The following DPYSL5 variants were observed in gnomAD, a reference collection of about 807,000 sequenced individuals.
The protein encoded by DPYSL5 is dihydropyrimidinase like 5.
A neutral mutation model predicts 58.4 loss-of-function variants in DPYSL5; 9 were observed. The observed-to-expected ratio is 0.15, with a 90% CI of 0.09 to 0.27. The LOEUF is 0.27. Among genes scored for constraint, DPYSL5 ranks in the 10% least tolerant of loss-of-function variants. The probability of loss-of-function intolerance (pLI) is 1.00; values close to 1 mark genes in which losing one functional copy is unlikely to be tolerated. For missense variants in DPYSL5, 499 were observed against 770.6 expected, an observed-to-expected ratio of 0.65 and a Z score of 4.17; for synonymous variants, 293 against 301.9, an observed-to-expected ratio of 0.97 and a Z score of 0.31.
At chr2:26,926,240 G>A (rs544915724) in intron 3 of DPYSL5, among the ~76,000 whole-genome samples, 211 of 152,240 alleles carry the variant, frequency 1.4e-3, no homozygotes, top group Non-Finnish European at 2.5e-3. Context: ...ACCTCCTCCC[G>A]GTTCTGGGCC....
chr2:26,929,120 T>G (rs1390419139), intron 5 of DPYSL5, among the ~76,000 whole-genome samples: 2 of 152,104 alleles, frequency 1.3e-5, no homozygotes, highest in Non-Finnish European at 2.9e-5. Context: ...TAGATTCTCA[T>G]AGAAGTGTGA....
In DPYSL5 at chr2:26,949,807, T is replaced by A; in HGVS notation, c.*2812T>A. 1 of 152,452 alleles carries A rather than the reference T, an allele frequency of 6.6e-6. No homozygotes were observed. The highest frequency in any genetic ancestry group is 1.9e-4 in the East Asian group (1 of 5,172). The allele number at this position is 152,452 out of a possible 1,614,324, so 9.4% of individuals were successfully genotyped here. On this transcript the variant is annotated 3_prime_UTR_variant, in exon 13 of 13. Transcript: ENST00000288699. ...TGAGCGGTCAGCCCCCACCATGCAC[T>A]CCTTGCCCCGTGCAGAGCTCCAGCC... is the stretch of plus-strand genomic sequence containing the variant.
At chr2:26,875,808 G>A (rs1663396583) in intron 1 of DPYSL5, among the ~76,000 whole-genome samples, 2 of 152,136 alleles carry the variant, frequency 1.3e-5, no homozygotes. Context: ...AATAATTTGG[G>A]TGTCTGTCAT....
chr2:26,947,078 G>A lies in DPYSL5; in HGVS notation c.*83G>A. On this transcript the variant is annotated 3_prime_UTR_variant, in exon 13 of 13. Transcript: ENST00000288699. This position sits in a 1 kb window ranked among gnomAD's most constrained non-coding sequence, Gnocchi z 4.2. ...CAGCCGAAGCTGCAGGGGCAGGAGAGGCTGGGCTGGGTGGCACACCACCCG... is the reference window on the plus strand; with the variant it reads ...CAGCCGAAGCTGCAGGGGCAGGAGAAGCTGGGCTGGGTGGCACACCACCCG... 1 of 1,264,504 alleles carries A rather than the reference G, an allele frequency of 7.9e-7. No homozygotes were observed. Among genetic ancestry groups the A allele is most frequent in the African/African-American group, 1.5e-5 (1 of 67,916 alleles). 78.3% of individuals were successfully genotyped at this position (1,264,504 alleles called of 1,614,324 possible).
chr2:26,848,409 G>C (rs1665652516), intron 1 of DPYSL5, 155 bp downstream of exon 1: 1 of 152,510 alleles, frequency 6.6e-6, no homozygotes, highest in African/African-American at 2.4e-5. Context: ...TGTGGTTTGG[G>C]GTTGGGAGGT....
Position 26,944,859 on chromosome 2 carries a change from G to A in DPYSL5, c.1609+35G>A, listed in dbSNP as rs1330181384. On this transcript the variant is annotated intron_variant, in intron 12 of 12. Coordinates refer to ENST00000288699, the MANE Select transcript of DPYSL5 (RefSeq NM_020134.4). This position sits in a 1 kb window ranked among gnomAD's most constrained non-coding sequence, Gnocchi z 4.4. ...AGGGGGCCACGGGAGGAGGATGGGG[G>A]TCTGGGAGAAGTGGCCCACCTAGGC... 5 of 1,605,788 alleles carry A rather than the reference G, an allele frequency of 3.1e-6. No homozygotes were observed. The highest frequency in any genetic ancestry group is 4.3e-6 in the Non-Finnish European group (5 of 1,175,354).
At chr2:26,878,737 C>T (rs749769489) in intron 1 of DPYSL5, among the ~76,000 whole-genome samples, 8 of 152,226 alleles carry the variant, frequency 5.3e-5, no homozygotes, top group Non-Finnish European at 7.3e-5. Flanking sequence ...CATGTCCCAC[C>T]AGGCCTTGAA....
At chr2:26,930,913 G>A (rs1484809837) in intron 5 of DPYSL5, among the ~76,000 whole-genome samples, 1 of 151,250 alleles carries the variant, frequency 6.6e-6, no homozygotes, top group African/African-American at 2.4e-5. Context: ...GGCGGAGCTT[G>A]CAGTGAGCCA....
At chr2:26,932,047 AG>A (rs1459753371) in intron 6 of DPYSL5, among the ~76,000 whole-genome samples, 39 of 49,914 alleles carry the variant, frequency 7.8e-4, no homozygotes, top group African/African-American at 3.8e-3. Context: ...AAAGAAAGAA[AG>A]GAAAGAAAGA....
chr2:26,949,764 G>C lies in DPYSL5; in HGVS notation c.*2769G>C, dbSNP rs1249718478. 6.6e-6 allele frequency: 1 copy of C among 152,472 alleles called. No individual in the cohort carries two copies. Among genetic ancestry groups the C allele is most frequent in the Non-Finnish European group, 1.5e-5 (1 of 68,318 alleles). The allele number at this position is 152,472 out of a possible 1,614,324, so 9.4% of individuals were successfully genotyped here. On this transcript the variant is annotated 3_prime_UTR_variant, in exon 13 of 13. Transcript: ENST00000288699. The stretch of plus-strand genomic sequence containing the variant: ...GGAGCTTCTAGATAGAAATCAGAAA[G>C]AGATTCAAGGAGCCAAATGAGCGGT...
rs1046456741 is a variant in DPYSL5 at position 26,934,426 on chromosome 2, A to T, written c.791-152A>T. On this transcript the variant is annotated intron_variant, in intron 7 of 12. Transcript: ENST00000288699. The surrounding 1 kb of genome is among the most constrained non-coding windows in gnomAD (Gnocchi z 4.3). ...GAATAGGGAGGCTCTCTGGGCTTGA[A>T]CCCAGCTGTGCTCTTAAAAGCCCTG... is the stretch of plus-strand genomic sequence containing the variant. The T allele has an allele frequency of 1.1e-6, 1 of 913,452 alleles. No homozygotes were observed. The highest frequency in any genetic ancestry group is 1.6e-6 in the Non-Finnish European group (1 of 620,436). The allele number at this position is 913,452 out of a possible 1,614,324, so 56.6% of individuals were successfully genotyped here.
chr2:26,856,648 TG>T, intron 1 of DPYSL5, among the ~76,000 whole-genome samples: 1 of 151,986 alleles, frequency 6.6e-6, no homozygotes, highest in Non-Finnish European at 1.5e-5. Context: ...GTGAAATTAC[TG>T]GGTCAGGGAT....
intron 1 of DPYSL5, among the ~76,000 whole-genome samples, chr2:26,858,771 C>A: frequency 6.7e-6 from 1 of 149,912 alleles, no homozygotes; most frequent in Non-Finnish European, 1.5e-5. Context: ...ATAGGGTCTC[C>A]CTATGTTGCC....
At chr2:26,940,838 C>T (rs1423627114) in intron 9 of DPYSL5, among the ~76,000 whole-genome samples, 5 of 151,658 alleles carry the variant, frequency 3.3e-5, no homozygotes, top group Admixed American at 2.0e-4. Flanking sequence ...TTGGGACTTT[C>T]GGCTGTTTCT....
chr2:26,930,449 C>T (rs962689281), intron 5 of DPYSL5, among the ~76,000 whole-genome samples: 2 of 152,154 alleles, frequency 1.3e-5, no homozygotes, highest in African/African-American at 4.8e-5. Context: ...GGGGGCAGGG[C>T]GGATGCTACA....
chr2:26,883,608 A>C (rs1663629255), intron 1 of DPYSL5, among the ~76,000 whole-genome samples: 1 of 152,114 alleles, frequency 6.6e-6, no homozygotes, highest in Non-Finnish European at 1.5e-5. Flanking sequence ...CATGTTGGCC[A>C]GGCTGGTCTT....
At position 26,925,009 on chromosome 2, in the gene DPYSL5, C is replaced by T. The variant is rs147434661; in HGVS notation, c.384C>T (p.Tyr128=). 26 of 1,614,146 alleles carry T rather than the reference C, an allele frequency of 1.6e-5. No homozygotes were observed. Among genetic ancestry groups the T allele is most frequent in the South Asian group, 6.6e-5 (6 of 91,076 alleles). ...GLADPKVCCD[Y]ALHVGITWWA... is the part of the protein sequence containing the mutation. Reference sequence around the variant, plus strand: ...CCGACCCCAAGGTCTGCTGTGATTACGCCCTCCACGTGGGGATCACCTGGT... The same window carrying T: ...CCGACCCCAAGGTCTGCTGTGATTATGCCCTCCACGTGGGGATCACCTGGT... Residue 128 remains tyrosine (Y), a synonymous_variant, in exon 3 of 13, where the codon TAC becomes TAT. Coordinates refer to ENST00000288699, the MANE Select transcript of DPYSL5 (RefSeq NM_020134.4). This position sits in a 1 kb window ranked among gnomAD's most constrained non-coding sequence, Gnocchi z 4.5.
At position 26,878,528 on chromosome 2, in the gene DPYSL5, C is replaced by T. The variant is rs185286252; in HGVS notation, c.-4-19968C>T. Among the ~76,000 whole-genome samples the T allele has an allele frequency of 5.5e-4, 84 of 152,052 alleles. 2 individuals are homozygous for T. Among genetic ancestry groups the T allele is most frequent in the African/African-American group, 1.7e-3 (69 of 41,468 alleles). On this transcript the variant is annotated intron_variant, in intron 1 of 12. Coordinates refer to ENST00000288699, the MANE Select transcript of DPYSL5 (RefSeq NM_020134.4). ...AATTACTCTGATTTTTTATGGTTTC[C>T]GGCTTTGGATTATGATAAAAAGAAA...
intron 1 of DPYSL5, among the ~76,000 whole-genome samples, chr2:26,891,560 T>C (rs1663880342): frequency 6.6e-6 from 1 of 152,106 alleles, no homozygotes; most frequent in Non-Finnish European, 1.5e-5. Flanking sequence ...CATCTATTCC[T>C]CCCTCACCCA....
Sources: allele counts gnomAD v4.1 joint callset (sites outside exome capture counted in the v4.1 genomes callset), GRCh38; gene constraint gnomAD v4.1.1; non-coding constraint Gnocchi (gnomAD v3.1); transcripts MANE v1.5; gene names NCBI Gene and HGNC (gene_info 2026-07-23, HGNC 2026-07-21).